DGKB: variants seen among roughly 807,000 people sequenced by gnomAD.
DGKB encodes the protein 90 kDa diacylglycerol kinase.
DGKB carries 67 observed loss-of-function variants against 114.3 expected under a neutral mutation model. That is an observed-to-expected ratio of 0.59 (90% CI 0.48 to 0.72). The LOEUF (loss-of-function observed/expected upper bound fraction) is 0.72, where lower values mean the gene tolerates loss of function less well. Among genes scored for constraint, DGKB ranks in the 30% least tolerant of loss-of-function variants. The pLI is 0.00. For missense variants in DGKB, 907 were observed against 975.2 expected (o/e 0.93, Z 0.93); for synonymous variants, 398 against 323.1 (o/e 1.23, Z -2.49).
At chr7:14,532,831 T>G (rs1218300122) in intron 20 of DGKB, among the ~76,000 whole-genome samples, 2 of 151,650 alleles carry the variant, frequency 1.3e-5, no homozygotes, top group Non-Finnish European at 3.0e-5. Flanking sequence ...CATGCTGTTT[T>G]AGAGTGTCCA....
At chr7:14,301,853 T>C (rs1458604161) in intron 23 of DGKB, among the ~76,000 whole-genome samples, 1 of 152,098 alleles carries the variant, frequency 6.6e-6, no homozygotes, top group East Asian at 1.9e-4. Flanking sequence ...AAGTGTACAG[T>C]GCTTTTGTCA....
chr7:14,611,652 G>C (rs1805565436), intron 16 of DGKB, among the ~76,000 whole-genome samples: 1 of 151,916 alleles, frequency 6.6e-6, no homozygotes, highest in South Asian at 2.1e-4. Flanking sequence ...AGAGCTCGAA[G>C]TTGAAGCCCC....
intron 17 of DGKB, among the ~76,000 whole-genome samples, chr7:14,604,128 T>C (rs902487094): frequency 6.6e-6 from 1 of 152,054 alleles, no homozygotes. Context: ...ACATGTTCCA[T>C]TAGGAAAGAA....
In DGKB at chr7:14,374,768, A is replaced by G. The variant is rs558444278; in HGVS notation, c.1836-29377T>C. Reference sequence around the variant, plus strand: ...GATTGGGCAGATACCTCTTTGTTATAAGGCACTGTCCTGTGCATTGTAGGA... The same window carrying G: ...GATTGGGCAGATACCTCTTTGTTATGAGGCACTGTCCTGTGCATTGTAGGA... On this transcript the variant is annotated intron_variant, in intron 21 of 25. Transcript: ENST00000402815. 1.1e-4 allele frequency among the ~76,000 whole-genome samples: 16 copies of G among 152,278 alleles called. No homozygotes were observed. In the South Asian group the frequency reaches 2.5e-3, roughly 24 times the overall value.
At chr7:14,408,169 CA>C (rs1347665881) in intron 21 of DGKB, among the ~76,000 whole-genome samples, 1 of 152,048 alleles carries the variant, frequency 6.6e-6, no homozygotes, top group Non-Finnish European at 1.5e-5. Flanking sequence ...GTTTAATGAT[CA>C]ATTACTCAGT....
chr7:14,222,859 T>C (rs1224765117), intron 23 of DGKB, among the ~76,000 whole-genome samples: 1 of 151,646 alleles, frequency 6.6e-6, no homozygotes, highest in East Asian at 1.9e-4. Context: ...TTTACAATTC[T>C]TATATCCTAC....
intron 1 of DGKB, among the ~76,000 whole-genome samples, chr7:14,939,745 C>G (rs1785469878): frequency 7.2e-6 from 1 of 139,746 alleles, no homozygotes; most frequent in South Asian, 2.4e-4. Context: ...TCCTGAGTAA[C>G]TGGGATTACA....
chr7:14,834,816 T>C (rs2041410), intron 2 of DGKB, among the ~76,000 whole-genome samples: 30,208 of 152,114 alleles, frequency 0.2, 3,166 homozygotes, highest in African/African-American at 0.27. Context: ...TGGACTCAAA[T>C]GGATTTTTTG....
intron 25 of DGKB, among the ~76,000 whole-genome samples, chr7:14,173,326 T>A (rs564759667): frequency 2.6e-5 from 4 of 152,200 alleles, no homozygotes; most frequent in Non-Finnish European, 2.9e-5. Context: ...GTGACTTTTT[T>A]ATTGTGGTAA....
At chr7:14,567,080 A>T (rs1797504739) in intron 20 of DGKB, among the ~76,000 whole-genome samples, 1 of 125,178 alleles carries the variant, frequency 8.0e-6, no homozygotes, top group Non-Finnish European at 1.6e-5. Context: ...ATATATATAT[A>T]AAAAATTATC....
intron 22 of DGKB, among the ~76,000 whole-genome samples, chr7:14,341,904 C>A (rs899612308): frequency 6.6e-6 from 1 of 151,954 alleles, no homozygotes; most frequent in South Asian, 2.1e-4. Context: ...TAATGATAAA[C>A]TGTAATTTTT....
chr7:14,750,113 G>C (rs1833892168), intron 4 of DGKB: 1 of 517,828 alleles, frequency 1.9e-6, no homozygotes, highest in African/African-American at 1.9e-5. Flanking sequence ...AAGAAACTAA[G>C]GCTCAGAAAA....
At chr7:14,593,364 G>T (rs980936556) in intron 17 of DGKB, among the ~76,000 whole-genome samples, 1 of 151,888 alleles carries the variant, frequency 6.6e-6, no homozygotes, top group African/African-American at 2.4e-5. Flanking sequence ...AGTTAGAAAT[G>T]AAAGGTCAGT....
chr7:14,847,100 C>G (rs1234851902), intron 1 of DGKB, among the ~76,000 whole-genome samples: 1 of 151,978 alleles, frequency 6.6e-6, no homozygotes, highest in Non-Finnish European at 1.5e-5. Context: ...ACCATCCTGG[C>G]TAACACGGTG....
intron 23 of DGKB, among the ~76,000 whole-genome samples, chr7:14,179,721 T>C (rs1178206611): frequency 3.3e-5 from 5 of 152,178 alleles, no homozygotes; most frequent in Non-Finnish European, 7.3e-5. Context: ...AAAAAGAATA[T>C]GCAACCAAGC....
intron 13 of DGKB, among the ~76,000 whole-genome samples, chr7:14,660,548 G>C (rs945473094): frequency 6.6e-6 from 1 of 151,988 alleles, no homozygotes; most frequent in African/African-American, 2.4e-5. Flanking sequence ...TTGTATTTCT[G>C]TGGGATCGGT....
chr7:14,462,794 A>G (rs1833277145), intron 21 of DGKB, among the ~76,000 whole-genome samples: 1 of 152,218 alleles, frequency 6.6e-6, no homozygotes, highest in African/African-American at 2.4e-5. Context: ...GACAATCCTA[A>G]GCCAAAAGAA....
intron 20 of DGKB, among the ~76,000 whole-genome samples, chr7:14,562,269 G>T (rs977669219): frequency 6.6e-6 from 1 of 152,220 alleles, no homozygotes; most frequent in Non-Finnish European, 1.5e-5. Context: ...TATCCAGGAA[G>T]AAGTTTGCTA....
chr7:14,819,422 CA>C (rs1354457273), intron 2 of DGKB, among the ~76,000 whole-genome samples: 1 of 151,814 alleles, frequency 6.6e-6, no homozygotes, highest in Admixed American at 6.6e-5. Flanking sequence ...CCCGTCTTTA[CA>C]AAAAATACAA....
Sources: gnomAD v4.1 joint callset for allele counts (sites outside exome capture counted in the v4.1 genomes callset) on GRCh38, gnomAD v4.1.1 for gene constraint, MANE v1.5 for transcripts, NCBI Gene and HGNC (gene_info 2026-07-23, HGNC 2026-07-21) for gene names.